The following PTPRD variants were observed in gnomAD, a reference collection of about 807,000 sequenced individuals.
The protein encoded by PTPRD is protein tyrosine phosphatase receptor type D.
A neutral mutation model predicts 214.5 loss-of-function variants in PTPRD; 34 were observed. That is an observed-to-expected ratio of 0.16 (90% CI 0.12 to 0.21). The LOEUF (loss-of-function observed/expected upper bound fraction) is 0.21, where lower values mean the gene tolerates loss of function less well. Among genes scored for constraint, PTPRD ranks in the 10% least tolerant of loss-of-function variants. PTPRD has a pLI of 1.00. For missense variants in PTPRD, 2,545 were observed against 2,398.7 expected (o/e 1.06, Z -1.27); for synonymous variants, 1,128 against 845.7 (o/e 1.33, Z -5.79).
At chr9:9,572,512 T>C (rs1176267825) in intron 8 of PTPRD, among the ~76,000 whole-genome samples, 1 of 149,404 alleles carries the variant, frequency 6.7e-6, no homozygotes, top group African/African-American at 2.4e-5. Flanking sequence ...GATTTATTAA[T>C]TGGTAGTTTT....
intron 10 of PTPRD, among the ~76,000 whole-genome samples, chr9:9,069,491 A>G (rs2099740598): frequency 1.3e-5 from 2 of 152,242 alleles, no homozygotes; most frequent in African/African-American, 4.8e-5. Flanking sequence ...CATTACTGAC[A>G]GAATGTAGTG....
At chr9:9,339,872 G>C (rs1263547230) in intron 9 of PTPRD, among the ~76,000 whole-genome samples, 1 of 151,982 alleles carries the variant, frequency 6.6e-6, no homozygotes, top group Non-Finnish European at 1.5e-5. Flanking sequence ...TAACACCATT[G>C]GTTTTAGGTC....
intron 22 of PTPRD, among the ~76,000 whole-genome samples, chr9:8,505,953 T>C (rs982093420): frequency 1.8e-4 from 28 of 152,204 alleles, no homozygotes; most frequent in African/African-American, 5.5e-4. Flanking sequence ...ATAGCTCAAG[T>C]TGTACCATGA....
intron 2 of PTPRD, among the ~76,000 whole-genome samples, chr9:10,377,209 T>C (rs904088327): frequency 3.3e-5 from 5 of 152,024 alleles, no homozygotes; most frequent in Admixed American, 3.3e-4. Flanking sequence ...TCCAATTCCA[T>C]CCATGTTGTT....
At chr9:9,994,671 G>A (rs568159321) in intron 4 of PTPRD, among the ~76,000 whole-genome samples, 10 of 152,190 alleles carry the variant, frequency 6.6e-5, no homozygotes, top group African/African-American at 2.2e-4. Flanking sequence ...GAAATGTCGA[G>A]TTTATACTCA....
At chr9:9,492,326 T>TAAAA (rs67958740) in intron 8 of PTPRD, among the ~76,000 whole-genome samples, 96 of 134,792 alleles carry the variant, frequency 7.1e-4, no homozygotes, top group South Asian at 1.1e-3. Context: ...TTACTAAACA[T>TAAAA]AAAAAAAAAA....
chr9:8,758,768 T>A (rs1397506227), intron 11 of PTPRD, among the ~76,000 whole-genome samples: 1 of 152,116 alleles, frequency 6.6e-6, no homozygotes, highest in African/African-American at 2.4e-5. Flanking sequence ...AACCTTTTTT[T>A]TTTTTTTGAG....
intron 2 of PTPRD, among the ~76,000 whole-genome samples, chr9:10,585,438 C>T: frequency 6.7e-6 from 1 of 148,822 alleles, no homozygotes; most frequent in East Asian, 2.2e-4. Context: ...AAAAGACAGA[C>T]ATATTCTCCA....
At chr9:9,673,673 A>G (rs1316904241) in intron 7 of PTPRD, among the ~76,000 whole-genome samples, 3 of 151,688 alleles carry the variant, frequency 2.0e-5, no homozygotes, top group Non-Finnish European at 4.4e-5. Flanking sequence ...GAAAATTAAA[A>G]ATCTATAGAT....
At chr9:9,532,929 G>C (rs1372788566) in intron 8 of PTPRD, among the ~76,000 whole-genome samples, 1 of 152,056 alleles carries the variant, frequency 6.6e-6, no homozygotes, top group Non-Finnish European at 1.5e-5. Flanking sequence ...AAAAATTTTG[G>C]TTTTACCACA....
intron 7 of PTPRD, among the ~76,000 whole-genome samples, chr9:9,705,419 C>A (rs2097581150): frequency 6.6e-6 from 1 of 152,098 alleles, no homozygotes; most frequent in Non-Finnish European, 1.5e-5. Context: ...TCAATTTTCC[C>A]TTTTTATATT....
At chr9:8,656,365 T>C (rs1299391008) in intron 12 of PTPRD, among the ~76,000 whole-genome samples, 1 of 152,238 alleles carries the variant, frequency 6.6e-6, no homozygotes, top group Non-Finnish European at 1.5e-5. Flanking sequence ...TTCAGAGCCA[T>C]CTCAAATGCC....
intron 26 of PTPRD, among the ~76,000 whole-genome samples, chr9:8,496,890 G>C (rs895264959): frequency 6.6e-6 from 1 of 152,044 alleles, no homozygotes; most frequent in Admixed American, 6.6e-5. Flanking sequence ...TTTTATGTGT[G>C]GTCCAAGACC....
intron 5 of PTPRD, among the ~76,000 whole-genome samples, chr9:9,855,426 T>A (rs1381609142): frequency 1.3e-5 from 2 of 151,982 alleles, no homozygotes; most frequent in African/African-American, 2.4e-5. Flanking sequence ...TAGCTGATCA[T>A]AAGAAACAAA....
rs372066080 is a variant in PTPRD at position 9,016,771 on chromosome 9, C to G, written c.-104+1926G>C. ...CAGGGAGCTAGAACCCAAGACTCCC[C>G]AGTTATGTCATCCAGCAATGTTGAC... On this transcript the variant is annotated intron_variant, in intron 11 of 45. Coordinates refer to ENST00000381196, the MANE Select transcript of PTPRD (RefSeq NM_002839.4). Among the ~76,000 whole-genome samples the G allele has an allele frequency of 6.4e-4, 97 of 152,240 alleles. 1 individual carries two copies. Among genetic ancestry groups the G allele is most frequent in the African/African-American group, 2.2e-3 (91 of 41,556 alleles).
intron 5 of PTPRD, among the ~76,000 whole-genome samples, chr9:9,798,987 T>C (rs953340634): frequency 4.6e-5 from 7 of 152,188 alleles, no homozygotes; most frequent in Non-Finnish European, 7.4e-5. Flanking sequence ...GGGACATTTT[T>C]CACATTAGAT....
intron 2 of PTPRD, among the ~76,000 whole-genome samples, chr9:10,406,782 G>GA (rs2098367807): frequency 6.7e-6 from 1 of 148,898 alleles, no homozygotes; most frequent in Admixed American, 6.8e-5. Flanking sequence ...GGGTGAGCAA[G>GA]AAAAATAGAT....
intron 7 of PTPRD, among the ~76,000 whole-genome samples, chr9:9,593,407 A>G (rs1159463430): frequency 6.6e-6 from 1 of 151,862 alleles, no homozygotes; most frequent in Non-Finnish European, 1.5e-5. Flanking sequence ...AGGCTTGAGT[A>G]TTGAGCAATT....
chr9:8,500,557 T>G (rs956956137), intron 24 of PTPRD, among the ~76,000 whole-genome samples, 197 bp downstream of exon 24: 88 of 4,338 alleles, frequency 0.02, no homozygotes, highest in African/African-American at 0.065. Context: ...TTGAAAAAAA[T>G]GAAAAAAAAA....
Sources: allele counts gnomAD v4.1 joint callset (sites outside exome capture counted in the v4.1 genomes callset), GRCh38; gene constraint gnomAD v4.1.1; transcripts MANE v1.5; gene names NCBI Gene and HGNC (gene_info 2026-07-23, HGNC 2026-07-21).